The following ABR variants were observed in gnomAD, a reference collection of about 807,000 sequenced individuals.
The protein encoded by ABR is ABR activator of RhoGEF and GTPase, also known as active breakpoint cluster region-related protein.
Under a neutral mutation model 107.2 loss-of-function variants are expected in ABR, and 35 were observed. The observed-to-expected ratio is 0.33, with a 90% CI of 0.25 to 0.43. ABR has a LOEUF of 0.43. ABR is among the 20% of genes least tolerant of loss of function. The probability of loss-of-function intolerance (pLI) is 1.00; values close to 1 mark genes in which losing one functional copy is unlikely to be tolerated. For synonymous variants in ABR, 498 were observed against 462.0 expected, an observed-to-expected ratio of 1.08 and a Z score of -1.00; for missense variants, 815 against 1,115.2, an observed-to-expected ratio of 0.73 and a Z score of 3.83.
chr17:1,011,685 G>T lies in ABR; in HGVS notation c.2101+161C>A. 1.2e-6 allele frequency: 1 copy of T among 822,686 alleles called. No individual in the cohort carries two copies. Among genetic ancestry groups the T allele is most frequent in the East Asian group, 2.8e-5 (1 of 35,760 alleles). The allele number at this position is 822,686 out of a possible 1,614,324, so 51.0% of individuals were successfully genotyped here. ...ACCTGCAGCAAGGGACAAGAGATTGGAGGGGAGGGGATTACAAGAGAAAGC... is the reference window on the plus strand; with the variant it reads ...ACCTGCAGCAAGGGACAAGAGATTGTAGGGGAGGGGATTACAAGAGAAAGC... On this transcript the variant is annotated intron_variant, in intron 19 of 22. Transcript: ENST00000302538. The surrounding 1 kb of genome is among the most constrained non-coding windows in gnomAD (Gnocchi z 4.8).
chr17:1,211,278 C>CA lies in ABR; in HGVS notation c.838+17514dup, dbSNP rs536214949. Among the ~76,000 whole-genome samples the CA allele has an allele frequency of 7.1e-3, 1,077 of 151,162 alleles. 19 individuals are homozygous for CA. Among genetic ancestry groups the CA allele is most frequent in the African/African-American group, 0.026 (1,051 of 41,132 alleles). On this transcript the variant is annotated intron_variant, in intron 1 of 22. Transcript: ENST00000574139. ...TGGGCGACAGAGTGAGGCTCCGTCT[C>CA]AAAAAAATGAATAAATAAATAAATA...
intron 9 of ABR, 83 bp from the exon 10 acceptor site, chr17:1,067,325 C>T: frequency 3.1e-6 from 4 of 1,274,202 alleles, no homozygotes; most frequent in Non-Finnish European, 4.1e-6. Context: ...ACCACAGAAC[C>T]ACTGACAGGG....
chr17:1,193,974 G>A (rs545622834), intron 1 of ABR, among the ~76,000 whole-genome samples: 26 of 152,224 alleles, frequency 1.7e-4, no homozygotes, highest in South Asian at 1.2e-3. Context: ...GATAACAGGC[G>A]TGAGCCCCGC....
At chr17:1,206,974 A>C (rs1418994352) in intron 1 of ABR, among the ~76,000 whole-genome samples, 1 of 152,042 alleles carries the variant, frequency 6.6e-6, no homozygotes, top group African/African-American at 2.4e-5. Flanking sequence ...AATCCCAGCT[A>C]CTCGGGAGCT....
At position 1,108,655 on chromosome 17, in the gene ABR, C is replaced by T. The variant is rs79346625; in HGVS notation, c.247-7920G>A. Among the ~76,000 whole-genome samples the T allele has an allele frequency of 5.7e-3, 869 of 152,330 alleles. 8 individuals carry two copies. The highest frequency in any genetic ancestry group is 0.02 in the African/African-American group (832 of 41,562). On this transcript the variant is annotated intron_variant, in intron 2 of 22. Transcript: ENST00000302538. ...CTGCCCACCCGCTCCAGGGAGGCGGCGAGGCTCGGGCTGACAGGCGCGCCA... is the reference window on the plus strand; with the variant it reads ...CTGCCCACCCGCTCCAGGGAGGCGGTGAGGCTCGGGCTGACAGGCGCGCCA...
chr17:1,073,807 G>A (rs1342662031), intron 6 of ABR, 130 bp from the exon 7 acceptor site: 3 of 711,520 alleles, frequency 4.2e-6, no homozygotes, highest in African/African-American at 1.8e-5. Flanking sequence ...ACCAGAGTGA[G>A]CCCACGGCAG....
chr17:1,141,870 T>C (rs2151497755), intron 1 of ABR, among the ~76,000 whole-genome samples: 1 of 152,148 alleles, frequency 6.6e-6, no homozygotes, highest in East Asian at 1.9e-4. Context: ...GCAATTCTCC[T>C]GCCTCAGTCT....
chr17:1,189,753 C>T (rs2042392733), upstream of ABR, among the ~76,000 whole-genome samples: 1 of 152,140 alleles, frequency 6.6e-6, no homozygotes, highest in South Asian at 2.1e-4. Context: ...AGGCCTGCGT[C>T]GTTCCCTGCT....
chr17:1,022,206 A>G (rs1485389156), intron 16 of ABR, among the ~76,000 whole-genome samples: 1 of 151,986 alleles, frequency 6.6e-6, no homozygotes, highest in Non-Finnish European at 1.5e-5. Context: ...GTGTGGGCAC[A>G]TTTCACGCCT....
At chr17:1,056,492 C>T (rs1374846582) in intron 13 of ABR, among the ~76,000 whole-genome samples, 1 of 152,094 alleles carries the variant, frequency 6.6e-6, no homozygotes, top group South Asian at 2.1e-4. Flanking sequence ...GCCTTCAGGA[C>T]CCCGTTCACA....
Position 1,150,195 on chromosome 17 carries a change from G to C in ABR, c.62-24828C>G, listed in dbSNP as rs202196837. 6.6e-6 allele frequency among the ~76,000 whole-genome samples: 1 copy of C among 151,916 alleles called. No homozygotes were observed. Among genetic ancestry groups the C allele is most frequent in the African/African-American group, 2.4e-5 (1 of 41,342 alleles). ...ATTACAGACGTGAGCCACCGCGCCC[G>C]GCCTGTGTCAGAATTTTTTTTGTTA... On this transcript the variant is annotated intron_variant, in intron 1 of 22. Coordinates refer to ENST00000302538, the MANE Select transcript of ABR (RefSeq NM_021962.5). This position sits in a 1 kb window ranked among gnomAD's most constrained non-coding sequence, Gnocchi z 4.8.
chr17:1,081,882 A>G (rs190591736), intron 5 of ABR, among the ~76,000 whole-genome samples: 204 of 152,288 alleles, frequency 1.3e-3, no homozygotes, highest in African/African-American at 4.6e-3. Context: ...CGGCTTCTAT[A>G]GGTACGTTTC....
At chr17:1,049,929 T>C (rs2032262274) in intron 16 of ABR, 121 bp downstream of exon 16, 1 of 1,401,316 alleles carries the variant, frequency 7.1e-7, no homozygotes, top group Admixed American at 2.3e-5. Context: ...TCCTGGGAAC[T>C]TTCCTCCAAC....
chr17:1,014,345 G>A (rs2070949458), intron 16 of ABR, among the ~76,000 whole-genome samples: 1 of 132,614 alleles, frequency 7.5e-6, no homozygotes, highest in African/African-American at 2.9e-5. Flanking sequence ...GGAGGCTGAG[G>A]CAGGAGAATA....
intron 10 of ABR, among the ~76,000 whole-genome samples, chr17:1,061,637 C>T (rs887550973): frequency 6.6e-6 from 1 of 152,074 alleles, no homozygotes; most frequent in Non-Finnish European, 1.5e-5. Context: ...ACCTCCACCT[C>T]CCGGGTTCAC....
At chr17:1,091,328 CGGGA>C (rs1458971727) in intron 4 of ABR, among the ~76,000 whole-genome samples, 2 of 114,410 alleles carry the variant, frequency 1.7e-5, no homozygotes, top group African/African-American at 6.3e-5. Flanking sequence ...GAGCACCCTC[CGGGA>C]GGGAGAAGGA....
At chr17:1,162,045 G>A (rs1432662048) in intron 1 of ABR, among the ~76,000 whole-genome samples, 1 of 152,212 alleles carries the variant, frequency 6.6e-6, no homozygotes, top group Non-Finnish European at 1.5e-5. Context: ...TGGGGACGCT[G>A]GGTTCGAATC....
chr17:1,192,437 A>T (rs923110233), intron 1 of ABR, among the ~76,000 whole-genome samples: 2 of 152,208 alleles, frequency 1.3e-5, no homozygotes, highest in African/African-American at 4.8e-5. Context: ...TGGAGGGGGC[A>T]GGAGGGAGGT....
In ABR at chr17:1,144,630, G is replaced by A. The variant is rs577970400; in HGVS notation, c.62-19263C>T. ...GCAGGGGCCAGGCTCAGTGGCTCAC[G>A]CCTGCAATCCCAGCACTTTGGGAGG... On this transcript the variant is annotated intron_variant, in intron 1 of 22. Transcript: ENST00000302538. Among the ~76,000 whole-genome samples, 466 of 151,350 alleles carry A rather than the reference G, an allele frequency of 3.1e-3. 3 individuals are homozygous for A. Among genetic ancestry groups the A allele is most frequent in the African/African-American group, 0.011 (446 of 41,266 alleles).
Sources: gnomAD v4.1 joint callset for allele counts (sites outside exome capture counted in the v4.1 genomes callset) on GRCh38, gnomAD v4.1.1 for gene constraint, Gnocchi (gnomAD v3.1) non-coding constraint, MANE v1.5 for transcripts, NCBI Gene and HGNC (gene_info 2026-07-23, HGNC 2026-07-21) for gene names.